The following KIF6 variants were observed in gnomAD, a reference collection of about 807,000 sequenced individuals.
KIF6 encodes kinesin-like protein KIF6.
In KIF6, 106 loss-of-function variants were observed where a neutral mutation model predicts 112.7. That is an observed-to-expected ratio of 0.94 (90% confidence interval 0.80 to 1.11). The LOEUF is 1.11. Ranked by LOEUF, KIF6 falls within the 50% of genes least tolerant of loss-of-function variation. The pLI, the probability that KIF6 is intolerant of heterozygous loss-of-function variation, is 0.00. For missense variants in KIF6, 929 were observed against 964.0 expected, an observed-to-expected ratio of 0.96 and a Z score of 0.48; for synonymous variants, 339 against 339.9, an observed-to-expected ratio of 1.00 and a Z score of 0.03.
Position 39,544,600 on chromosome 6 carries a change from A to T in KIF6, c.1381T>A (p.Tyr461Asn), listed in dbSNP as rs1778969554. The T allele has an allele frequency of 1.9e-6, 3 of 1,612,066 alleles. No individual in the cohort carries two copies. Among genetic ancestry groups the T allele is most frequent in the Non-Finnish European group, 2.5e-6 (3 of 1,178,462 alleles). The change falls in exon 12 of 23, where the codon TAT becomes AAT. Residue 461 changes from tyrosine to asparagine, a missense_variant. By Grantham distance (143) the Tyr-to-Asn change is moderately radical. Transcript: ENST00000287152. ...TTCAGAATATCTCGTAGCTTTCTAT[A>T]TTCTTCTTCTTTTAATGGTTCTTGA... ...DCQEPLKEEE[Y>N]RKLRDILKQR...
chr6:39,482,894 A>T (rs1774884379), intron 13 of KIF6, among the ~76,000 whole-genome samples: 1 of 152,232 alleles, frequency 6.6e-6, no homozygotes, highest in African/African-American at 2.4e-5. Flanking sequence ...AGACAAGGAA[A>T]CTGGGCCCTA....
intron 13 of KIF6, among the ~76,000 whole-genome samples, chr6:39,454,001 A>C (rs1383963632): frequency 3.3e-5 from 5 of 152,250 alleles, no homozygotes; most frequent in Non-Finnish European, 7.3e-5. Flanking sequence ...AGTGTTAAAT[A>C]CAGTAATAGA....
intron 5 of KIF6, chr6:39,617,895 A>T (rs1319808280): frequency 3.1e-6 from 1 of 323,406 alleles, no homozygotes; most frequent in Non-Finnish European, 6.5e-6. Context: ...CACTTAAATA[A>T]AGAGAACATT....
At chr6:39,478,190 C>T (rs1774556786) in intron 13 of KIF6, among the ~76,000 whole-genome samples, 1 of 134,012 alleles carries the variant, frequency 7.5e-6, no homozygotes. Context: ...TTATCTGTTA[C>T]CCCCCTTTCA....
intron 13 of KIF6, among the ~76,000 whole-genome samples, chr6:39,478,717 T>G (rs1043487115): frequency 6.6e-6 from 1 of 150,540 alleles, no homozygotes; most frequent in African/African-American, 2.5e-5. Context: ...TTTTTTTTTT[T>G]TTGGTGGTAG....
At chr6:39,501,478 G>A (rs1489160164) in intron 13 of KIF6, among the ~76,000 whole-genome samples, 2 of 152,142 alleles carry the variant, frequency 1.3e-5, no homozygotes, top group Admixed American at 1.3e-4. Flanking sequence ...CTGAGGCTGA[G>A]ATGGCTGAAA....
At chr6:39,603,489 TG>T (rs944531266) in intron 6 of KIF6, among the ~76,000 whole-genome samples, 6 of 152,006 alleles carry the variant, frequency 3.9e-5, no homozygotes, top group African/African-American at 1.4e-4. Context: ...AGGAGATACC[TG>T]TCTGCTGAAA....
At chr6:39,644,627 A>G (rs566730900) in intron 3 of KIF6, among the ~76,000 whole-genome samples, 2 of 152,310 alleles carry the variant, frequency 1.3e-5, no homozygotes, top group South Asian at 2.1e-4. Context: ...AGAGATAGAA[A>G]GTAGGTTAGT....
At position 39,626,050 on chromosome 6, in the gene KIF6, T is replaced by C. The variant is rs917532422; in HGVS notation, c.509+8799A>G. On this transcript the variant is annotated intron_variant, in intron 5 of 22. Coordinates refer to ENST00000287152, the MANE Select transcript of KIF6 (RefSeq NM_145027.6). ...GAACAAAAAGCAGCGGGCACATGAA[T>C]GTGTTGCTCAGCAGGCTGAGGGCCC... Among the ~76,000 whole-genome samples, 5 of 152,136 alleles carry C rather than the reference T, an allele frequency of 3.3e-5. No individual in the cohort carries two copies. In the East Asian group the frequency reaches 9.7e-4, roughly 29 times the overall value.
chr6:39,345,247 A>AG (rs1763611683), intron 21 of KIF6, among the ~76,000 whole-genome samples: 1 of 152,254 alleles, frequency 6.6e-6, no homozygotes, highest in Non-Finnish European at 1.5e-5. Context: ...CCAGGCAGGC[A>AG]GGGCAGAGGC....
chr6:39,355,762 A>G (rs913845841), intron 19 of KIF6, among the ~76,000 whole-genome samples: 1 of 149,488 alleles, frequency 6.7e-6, no homozygotes, highest in Non-Finnish European at 1.5e-5. Context: ...ACGCCTGGAC[A>G]ATAGTTGTTT....
At chr6:39,684,441 C>T (rs1582444562) in intron 3 of KIF6, among the ~76,000 whole-genome samples, 1 of 151,970 alleles carries the variant, frequency 6.6e-6, no homozygotes, top group Admixed American at 6.6e-5. Flanking sequence ...CATGGAGAAA[C>T]CCTGTCTCTA....
intron 3 of KIF6, among the ~76,000 whole-genome samples, chr6:39,649,267 C>A (rs950925393): frequency 1.3e-5 from 2 of 152,150 alleles, no homozygotes; most frequent in Admixed American, 6.5e-5. Context: ...GGTTATAAAT[C>A]CTGATAGAGA....
intron 5 of KIF6, among the ~76,000 whole-genome samples, chr6:39,622,509 GGAAT>G (rs746201030): frequency 1.2e-4 from 19 of 152,132 alleles, no homozygotes; most frequent in Non-Finnish European, 2.4e-4. Context: ...ATGAGTAGAT[GGAAT>G]GAAATAAGGG....
intron 13 of KIF6, among the ~76,000 whole-genome samples, chr6:39,510,613 G>C (rs189781910): frequency 6.6e-6 from 1 of 152,062 alleles, no homozygotes; most frequent in African/African-American, 2.4e-5. Context: ...AAAGATCATC[G>C]ACGCTATGAA....
chr6:39,668,487 A>G (rs1786613675), intron 3 of KIF6, among the ~76,000 whole-genome samples: 1 of 151,882 alleles, frequency 6.6e-6, no homozygotes, highest in Non-Finnish European at 1.5e-5. Context: ...CCTACTGAAC[A>G]TCTCCTCACA....
At chr6:39,423,711 T>A (rs1310542822) in intron 14 of KIF6, among the ~76,000 whole-genome samples, 2 of 152,108 alleles carry the variant, frequency 1.3e-5, no homozygotes, top group East Asian at 1.9e-4. Flanking sequence ...CACTTACGGA[T>A]GGCTCATGTC....
At position 39,671,611 on chromosome 6, in the gene KIF6, C is replaced by T. The variant is rs149202652; in HGVS notation, c.252-31854G>A. ...GCACTCCCCACTATTGTGCTTCTCA[C>T]GCCATCCCAGACATCTCAAGCTGAC... On this transcript the variant is annotated intron_variant, in intron 3 of 22. Transcript: ENST00000287152. Among the ~76,000 whole-genome samples the T allele has an allele frequency of 1.0e-3, 155 of 152,312 alleles. No homozygotes were observed. The Middle Eastern group carries it at 0.017, about 17-fold the overall frequency.
chr6:39,413,015 T>G (rs1769603224), intron 15 of KIF6, among the ~76,000 whole-genome samples: 1 of 152,168 alleles, frequency 6.6e-6, no homozygotes, highest in Non-Finnish European at 1.5e-5. Flanking sequence ...TGTTGCCTTA[T>G]GTATTAGGAA....
Sources: gnomAD v4.1 joint callset for allele counts (sites outside exome capture counted in the v4.1 genomes callset) on GRCh38, gnomAD v4.1.1 for gene constraint, MANE v1.5 for transcripts, NCBI Gene and HGNC (gene_info 2026-07-23, HGNC 2026-07-21) for gene names.